The following SYNE2 variants were observed in gnomAD, a reference collection of about 807,000 sequenced individuals.
SYNE2 encodes nesprin-2.
SYNE2 carries 431 observed loss-of-function variants against 856.3 expected under a neutral mutation model. The observed-to-expected ratio is 0.50, with a 90% CI of 0.47 to 0.55. SYNE2 has a LOEUF of 0.55. Ranked by LOEUF, SYNE2 falls within the 20% of genes least tolerant of loss-of-function variation. The probability of loss-of-function intolerance (pLI) is 0.00; values close to 1 mark genes in which losing one functional copy is unlikely to be tolerated. For missense variants in SYNE2, 8,129 were observed against 8,023.2 expected, an observed-to-expected ratio of 1.01 and a Z score of -0.50; for synonymous variants, 2,923 against 2,872.3, an observed-to-expected ratio of 1.02 and a Z score of -0.56.
In SYNE2 at chr14:64,025,280, G is replaced by T; in HGVS notation, c.6111G>T (p.Lys2037Asn). ...RQLSEIEEED[K>N]LLPTEDQSFN... ...TAAGTGAAATCGAGGAAGAGGATAA[G>T]TTACTACCCACAGAGGACCAGAGCT... Residue 2037 changes from lysine (K) to asparagine (N), a missense_variant, in exon 41 of 116, where the codon AAG becomes AAT. Transcript: ENST00000555002. The T allele has an allele frequency of 1.2e-6, 2 of 1,614,120 alleles. No individual in the cohort carries two copies. Among genetic ancestry groups the T allele is most frequent in the Non-Finnish European group, 8.5e-7 (1 of 1,180,002 alleles).
chr14:63,940,370 A>G (rs1196892021), intron 2 of SYNE2, among the ~76,000 whole-genome samples: 1 of 152,140 alleles, frequency 6.6e-6, no homozygotes, highest in Non-Finnish European at 1.5e-5. Context: ...TTCTTTTATC[A>G]GTAAAAAATA....
chr14:63,923,485 C>T (rs575442922), intron 2 of SYNE2, among the ~76,000 whole-genome samples: 2 of 152,348 alleles, frequency 1.3e-5, no homozygotes, highest in African/African-American at 4.8e-5. Flanking sequence ...CCTGCTCCCT[C>T]CTTCCCTAGC....
chr14:64,088,745 A>C (rs2097582618), intron 58 of SYNE2, among the ~76,000 whole-genome samples: 1 of 152,206 alleles, frequency 6.6e-6, no homozygotes, highest in Non-Finnish European at 1.5e-5. Context: ...CATTTATTTA[A>C]AGATAGAGTC....
rs1404995080 is a variant in SYNE2 at position 64,225,511 on chromosome 14, G to C, written c.20709G>C (p.Gly6903=). The C allele has an allele frequency of 1.9e-6, 3 of 1,614,090 alleles. No homozygotes were observed. Among genetic ancestry groups the C allele is most frequent in the Non-Finnish European group, 2.5e-6 (3 of 1,180,006 alleles). ...ACCCCATGCTGAGGTACACCAATGG[G>C]CCACCCCCCACATAGAGGGCATAGC... The part of the protein sequence containing the change: ...SFYPMLRYTN[G]PPPT Residue 6903 remains glycine, a synonymous_variant, in exon 116 of 116, where the codon GGG becomes GGC. Coordinates refer to ENST00000555002, the MANE Select transcript of SYNE2 (RefSeq NM_182914.3).
At chr14:63,768,743 C>G (rs1340702231) in intron 1 of SYNE2, among the ~76,000 whole-genome samples, 2 of 152,108 alleles carry the variant, frequency 1.3e-5, no homozygotes, top group African/African-American at 4.8e-5. Context: ...AACTAAACCT[C>G]CAGCTAAGAA....
At chr14:63,973,555 C>T (rs1462183793) in intron 11 of SYNE2, among the ~76,000 whole-genome samples, 4 of 145,862 alleles carry the variant, frequency 2.7e-5, no homozygotes, top group African/African-American at 5.1e-5. Context: ...TTGCTTGAAC[C>T]TGGGAGGTGG....
intron 28 of SYNE2, 52 bp downstream of exon 28, chr14:64,000,771 G>GT (rs768117797): frequency 5.9e-6 from 9 of 1,525,730 alleles, no homozygotes; most frequent in Non-Finnish European, 8.1e-6. Context: ...ACTAAATCCT[G>GT]TAATGCCATT....
chr14:64,129,447 T>C (rs1430318363), intron 74 of SYNE2, among the ~76,000 whole-genome samples: 3 of 152,218 alleles, frequency 2.0e-5, no homozygotes, highest in Non-Finnish European at 4.4e-5. Context: ...AATAGCATGC[T>C]GTGTGTCTGT....
intron 1 of SYNE2, among the ~76,000 whole-genome samples, chr14:63,844,379 C>T (rs552902028): frequency 3.2e-4 from 48 of 152,266 alleles, no homozygotes; most frequent in African/African-American, 1.1e-3. Flanking sequence ...GAATAATATT[C>T]AATTGTCTGG....
chr14:63,867,427 G>C (rs1895682044), intron 1 of SYNE2, among the ~76,000 whole-genome samples: 1 of 151,628 alleles, frequency 6.6e-6, no homozygotes, highest in South Asian at 2.1e-4. Context: ...GCCAGGTGTG[G>C]TGGCTCACGC....
At chr14:63,960,589 A>T in intron 8 of SYNE2, 1 of 573,986 alleles carries the variant, frequency 1.7e-6, no homozygotes, top group East Asian at 2.8e-5. Context: ...TAACTTAATT[A>T]ATAAATAAAC....
chr14:64,192,713 G>A (rs1567604482), intron 99 of SYNE2, among the ~76,000 whole-genome samples: 1 of 152,134 alleles, frequency 6.6e-6, no homozygotes, highest in Non-Finnish European at 1.5e-5. Flanking sequence ...GAGGACTGAA[G>A]CTAAGCAGCT....
In SYNE2 at chr14:64,209,574, T is replaced by A; in HGVS notation, c.18536T>A (p.Phe6179Tyr). 1 of 1,614,070 alleles carries A rather than the reference T, an allele frequency of 6.2e-7. No individual in the cohort carries two copies. Among genetic ancestry groups the A allele is most frequent in the African/African-American group, 1.3e-5 (1 of 75,038 alleles). Residue 6179 changes from phenylalanine to tyrosine, a missense_variant, in exon 102 of 116, where the codon TTT becomes TAT. By Grantham distance (22) the Phe-to-Tyr change is conservative (BLOSUM62 3). Coordinates refer to ENST00000555002, the MANE Select transcript of SYNE2 (RefSeq NM_182914.3). ...AGTGCCAAAGAGGAACTGAAGAGGT[T>A]TGAGGTAAACACCTTCTCCATCCCG... ...YTSAKEELKR[F>Y]EAFQRQIHER...
intron 2 of SYNE2, among the ~76,000 whole-genome samples, chr14:63,936,853 C>A (rs2095839867): frequency 1.3e-5 from 2 of 152,066 alleles, no homozygotes; most frequent in African/African-American, 2.4e-5. Context: ...GTGATGGTGA[C>A]TTGGGCCAGG....
intron 1 of SYNE2, among the ~76,000 whole-genome samples, chr14:63,891,434 A>G (rs2095129799): frequency 6.6e-6 from 1 of 152,140 alleles, no homozygotes; most frequent in Admixed American, 6.6e-5. Context: ...TTTGTCTTGG[A>G]GATTAAAGTG....
At chr14:64,062,989 C>T (rs949177000) in intron 50 of SYNE2, 94 bp downstream of exon 50, 51 of 1,419,060 alleles carry the variant, frequency 3.6e-5, no homozygotes, top group Middle Eastern at 3.5e-4. Context: ...TGTTAAGACG[C>T]GTAGAAATCT....
intron 1 of SYNE2, among the ~76,000 whole-genome samples, chr14:63,802,125 G>A (rs1429646291): frequency 2.7e-5 from 4 of 150,858 alleles, no homozygotes; most frequent in Non-Finnish European, 4.4e-5. Context: ...ATTATTATTT[G>A]AGATGAAGTC....
intron 95 of SYNE2, among the ~76,000 whole-genome samples, chr14:64,175,474 A>G (rs1290387282): frequency 6.6e-6 from 1 of 152,222 alleles, no homozygotes; most frequent in Non-Finnish European, 1.5e-5. Context: ...CAGAGAATGC[A>G]CTTTTCCATA....
chr14:63,905,677 T>C (rs754825739), intron 1 of SYNE2, among the ~76,000 whole-genome samples: 1 of 152,210 alleles, frequency 6.6e-6, no homozygotes, highest in Non-Finnish European at 1.5e-5. Flanking sequence ...AAATCACATA[T>C]CAGTTCTAGT....
Sources: allele counts gnomAD v4.1 joint callset (sites outside exome capture counted in the v4.1 genomes callset), GRCh38; gene constraint gnomAD v4.1.1; transcripts MANE v1.5; gene names NCBI Gene and HGNC (gene_info 2026-07-23, HGNC 2026-07-21).